The following TRIM71 variants were observed in gnomAD, a reference collection of about 807,000 sequenced individuals.
TRIM71 encodes tripartite motif containing 71.
TRIM71 carries 9 observed loss-of-function variants against 61.2 expected under a neutral mutation model. The observed-to-expected ratio is 0.15, with a 90% CI of 0.09 to 0.26. The LOEUF (loss-of-function observed/expected upper bound fraction) is 0.26, where lower values mean the gene tolerates loss of function less well. TRIM71 is among the 10% of genes least tolerant of loss of function. The pLI, the probability that TRIM71 is intolerant of heterozygous loss-of-function variation, is 1.00. For missense variants in TRIM71, 998 were observed against 1,238.7 expected (o/e 0.81, Z 2.92); for synonymous variants, 645 against 553.2 (o/e 1.17, Z -2.33).
rs150593845 is a variant in TRIM71 at position 32,833,058 on chromosome 3, C to A, written c.852+14126C>A. On this transcript the variant is annotated intron_variant, in intron 1 of 3. Coordinates refer to ENST00000383763, the MANE Select transcript of TRIM71 (RefSeq NM_001039111.3). ...GGCTTAGTGTTACGAACCTGTCATC[C>A]CAGCTACTCGGGAGGCTGAGGCAGG... Among the ~76,000 whole-genome samples the A allele has an allele frequency of 6.9e-4, 104 of 151,638 alleles. 4 individuals carry two copies. In the East Asian group the frequency reaches 0.013, roughly 19 times the overall value.
At chr3:32,882,671 C>G (rs1024304227) in intron 2 of TRIM71, among the ~76,000 whole-genome samples, 4 of 152,108 alleles carry the variant, frequency 2.6e-5, no homozygotes, top group African/African-American at 9.7e-5. Context: ...CTCAGCCTCC[C>G]AAGTAGATGG....
chr3:32,849,301 A>G (rs1696512051), intron 1 of TRIM71, among the ~76,000 whole-genome samples: 1 of 152,088 alleles, frequency 6.6e-6, no homozygotes, highest in African/African-American at 2.4e-5. Context: ...TTCCCCCAGG[A>G]CTAATTTTTA....
rs1696943621 is a variant in TRIM71, at chr3:32,884,818, A to G, written c.1021-1116A>G. ...GCTGAACTTTTGTCCCAGGTGTTTT[A>G]TCAGCTGAGAACTATTAATAACAGT... On this transcript the variant is annotated intron_variant, in intron 2 of 3. Transcript: ENST00000383763. Among the ~76,000 whole-genome samples the G allele has an allele frequency of 1.3e-5, 2 of 152,152 alleles. 1 individual carries two copies. The highest frequency in any genetic ancestry group is 4.1e-4 in the South Asian group (2 of 4,824).
chr3:32,855,544 C>T (rs1020229655), intron 1 of TRIM71, among the ~76,000 whole-genome samples: 10 of 152,160 alleles, frequency 6.6e-5, no homozygotes, highest in Admixed American at 6.5e-4. Context: ...TCTTTTGCTG[C>T]TACATGGGGA....
chr3:32,862,709 A>G (rs868001216), intron 1 of TRIM71, among the ~76,000 whole-genome samples: 5 of 152,158 alleles, frequency 3.3e-5, no homozygotes, highest in Admixed American at 6.5e-5. Flanking sequence ...ATGGGCAGTG[A>G]TCTCAGTGTT....
At position 32,890,848 on chromosome 3, in the gene TRIM71, C is replaced by T. The variant is rs549346172; in HGVS notation, c.1644C>T (p.Tyr548=). 170 of 1,614,076 alleles carry T rather than the reference C, an allele frequency of 1.1e-4. 2 individuals are homozygous for T. Among genetic ancestry groups the T allele is most frequent in the South Asian group, 2.5e-4 (23 of 91,090 alleles). Residue 548 remains tyrosine (Y), a synonymous_variant, in exon 4 of 4, where the codon TAC becomes TAT. Transcript: ENST00000383763. The surrounding 1 kb of genome is among the most constrained non-coding windows in gnomAD (Gnocchi z 6.2). Reference sequence around the variant, plus strand: ...TGAGTGATCAGCAGAATGGGACATACGTGGTGAGTTACCGACCCCAGCTGG... The same window carrying T: ...TGAGTGATCAGCAGAATGGGACATATGTGGTGAGTTACCGACCCCAGCTGG... The part of the protein sequence containing the change: ...AEVSDQQNGT[Y]VVSYRPQLEG...
At chr3:32,874,833 T>G (rs1696837409) in intron 2 of TRIM71, among the ~76,000 whole-genome samples, 1 of 149,544 alleles carries the variant, frequency 6.7e-6, no homozygotes, top group Admixed American at 6.6e-5. Flanking sequence ...TTTATTTGTG[T>G]TTTTGAGACA....
chr3:32,873,778 C>T (rs576896983), intron 1 of TRIM71, 40 bp from the exon 2 acceptor site: 6 of 1,446,122 alleles, frequency 4.1e-6, no homozygotes, highest in East Asian at 2.4e-5. Flanking sequence ...TCCTCCCGTC[C>T]TGCATCTCCA....
intron 1 of TRIM71, among the ~76,000 whole-genome samples, chr3:32,838,833 C>T (rs1032467370): frequency 1.3e-5 from 2 of 151,942 alleles, no homozygotes; most frequent in Admixed American, 6.6e-5. Flanking sequence ...CGAGGTCTCG[C>T]TCTGTCACCC....
Position 32,891,409 on chromosome 3 carries a change from C to T in TRIM71, c.2205C>T (p.Asn735=), listed in dbSNP as rs2125693697. 1.9e-6 allele frequency: 3 copies of T among 1,614,102 alleles called. No individual in the cohort carries two copies. Among genetic ancestry groups the T allele is most frequent in the East Asian group, 2.2e-5 (1 of 44,892 alleles). The change falls in exon 4 of 4, where the codon AAC becomes AAT. Residue 735 remains asparagine (N), a synonymous_variant. Transcript: ENST00000383763. The surrounding 1 kb of genome is among the most constrained non-coding windows in gnomAD (Gnocchi z 8.2). ...TTGGGCCTGATGGTGTCTTCCTAAA[C>T]AAGTATGGCTTCGAGGGGGCTCTCT... ...QLFGPDGVFL[N]KYGFEGALWK...
intron 1 of TRIM71, among the ~76,000 whole-genome samples, chr3:32,844,758 C>CAACT (rs1696453629): frequency 6.6e-6 from 1 of 152,108 alleles, no homozygotes; most frequent in Non-Finnish European, 1.5e-5. Context: ...GTCGGTTAAC[C>CAACT]AACTTCAAGC....
Position 32,818,110 on chromosome 3 carries a change from G to T in TRIM71, c.30G>T (p.Gln10His), listed in dbSNP as rs369607608. MASFPETDF[Q>H]ICLLCKEMCG... ...CTTCGTTCCCCGAGACCGATTTCCA[G>T]ATCTGCTTGCTGTGCAAGGAGATGT... Residue 10 changes from glutamine (Q) to histidine (H), a missense_variant, in exon 1 of 4, where the codon CAG becomes CAT. Around this residue, in one of 5 missense-constraint regions of TRIM71, gnomAD observed 527 missense variants for 427.8 expected, o/e 1.23. Coordinates refer to ENST00000383763, the MANE Select transcript of TRIM71 (RefSeq NM_001039111.3). 4 of 1,611,976 alleles carry T rather than the reference G, an allele frequency of 2.5e-6. No individual in the cohort carries two copies. Among genetic ancestry groups the T allele is most frequent in the South Asian group, 2.2e-5 (2 of 91,074 alleles).
chr3:32,891,050 A>G lies in TRIM71; in HGVS notation c.1846A>G (p.Lys616Glu). 6.2e-7 allele frequency: 1 copy of G among 1,613,030 alleles called. No homozygotes were observed. The highest frequency in any genetic ancestry group is 8.5e-7 in the Non-Finnish European group (1 of 1,179,864). ...LCRPWGVSVDKEGYIIVADRS... is the reference protein window; with the variant it reads ...LCRPWGVSVDEEGYIIVADRS... ...CCGCCCTTGGGGTGTGAGTGTAGAC[A>G]AGGAGGGCTACATCATTGTCGCCGA... The change falls in exon 4 of 4, where the codon AAG (lysine) becomes GAG (glutamate). Residue 616 changes from lysine to glutamate, a missense_variant. By Grantham distance (56) the Lys-to-Glu change is moderately conservative. Transcript: ENST00000383763. The surrounding 1 kb of genome is among the most constrained non-coding windows in gnomAD (Gnocchi z 8.2).
chr3:32,845,710 G>C (rs1271534229), intron 1 of TRIM71, among the ~76,000 whole-genome samples: 2 of 89,034 alleles, frequency 2.2e-5, no homozygotes, highest in Non-Finnish European at 4.5e-5. Context: ...CCTAGGCCAA[G>C]TTTGGATCTT....
intron 1 of TRIM71, among the ~76,000 whole-genome samples, chr3:32,833,184 TAAAAAAAAAAAAAAAAA>T (rs1182178339): frequency 3.7e-5 from 2 of 54,434 alleles, no homozygotes; most frequent in East Asian, 1.7e-3. Flanking sequence ...ACTCTGTCTT[TAAAAAAAAAAAAAAAAA>T]AAAAAAAAAA....
rs748513589 is a variant in TRIM71, at chr3:32,818,530, GCACCACGCT to G, written c.459_467del (p.His155_His157del). 298 of 1,369,008 alleles carry G rather than the reference GCACCACGCT, an allele frequency of 2.2e-4. 2 individuals are homozygous for G. The highest frequency in any genetic ancestry group is 6.8e-4 in the South Asian group (43 of 63,566). The allele number at this position is 1,369,008 out of a possible 1,614,324, so 84.8% of individuals were successfully genotyped here. A position where few individuals can be genotyped will look rare whatever the true frequency, so the allele number is the denominator to read the frequency against. The stretch of plus-strand genomic sequence containing the variant: ...GAGCGGGCGGCCACAGCAACCACCG[GCACCACGCT>G]CACCACGCGCACCCGCGCGCGTCCG... On this transcript the variant is annotated inframe_deletion, in exon 1 of 4. Coordinates refer to ENST00000383763, the MANE Select transcript of TRIM71 (RefSeq NM_001039111.3).
chr3:32,875,518 A>G (rs530417137), intron 2 of TRIM71, among the ~76,000 whole-genome samples: 2 of 152,204 alleles, frequency 1.3e-5, no homozygotes, highest in Non-Finnish European at 2.9e-5. Flanking sequence ...ACCATTCTAG[A>G]ATATTTATAT....
At chr3:32,834,275 G>A (rs1696307615) in intron 1 of TRIM71, among the ~76,000 whole-genome samples, 1 of 152,188 alleles carries the variant, frequency 6.6e-6, no homozygotes, top group South Asian at 2.1e-4. Flanking sequence ...TCCTGTCATA[G>A]CAGGAGATAG....
In TRIM71 at chr3:32,896,520, A is replaced by G. The variant is rs2125694978; in HGVS notation, c.*4709A>G. 1 of 151,588 alleles carries G rather than the reference A, an allele frequency of 6.6e-6. No homozygotes were observed. Among genetic ancestry groups the G allele is most frequent in the South Asian group, 2.1e-4 (1 of 4,796 alleles). 9.4% of individuals were successfully genotyped at this position (151,588 alleles called of 1,614,324 possible). A position where few individuals can be genotyped will look rare whatever the true frequency, so the allele number is the denominator to read the frequency against. The stretch of plus-strand genomic sequence containing the variant: ...CAGGATATACTGTATTGACCCTCCC[A>G]CCTCTCTTCTGCCCTAATTTTTGGT... On this transcript the variant is annotated 3_prime_UTR_variant, in exon 4 of 4. Coordinates refer to ENST00000383763, the MANE Select transcript of TRIM71 (RefSeq NM_001039111.3).
Sources: allele counts gnomAD v4.1 joint callset (sites outside exome capture counted in the v4.1 genomes callset), GRCh38; gene constraint gnomAD v4.1.1; regional missense constraint gnomAD v4.1.1; non-coding constraint Gnocchi (gnomAD v3.1); transcripts MANE v1.5; gene names NCBI Gene and HGNC (gene_info 2026-07-23, HGNC 2026-07-21).